Variants in ARHGAP15 observed in about 807,000 individuals in gnomAD.
The protein encoded by ARHGAP15 is Rho GTPase activating protein 15, also known as rho GTPase-activating protein 15.
A neutral mutation model predicts 63.7 loss-of-function variants in ARHGAP15; 51 were observed. The ratio of observed to expected loss-of-function variants is 0.80; its 90% CI spans 0.64 to 1.01. The LOEUF is 1.01. Among genes scored for constraint, ARHGAP15 ranks in the 50% least tolerant of loss-of-function variants. The pLI is 0.00. For synonymous variants in ARHGAP15, 191 were observed against 193.8 expected (o/e 0.99, Z 0.12); for missense variants, 560 against 564.6 (o/e 0.99, Z 0.08).
chr2:143,487,924 C>A (rs1244241489), intron 9 of ARHGAP15, among the ~76,000 whole-genome samples: 3 of 152,156 alleles, frequency 2.0e-5, no homozygotes, highest in Non-Finnish European at 4.4e-5. Flanking sequence ...TCATCCTAGT[C>A]ATAGTCTGAA....
intron 6 of ARHGAP15, among the ~76,000 whole-genome samples, chr2:143,339,423 T>G (rs899434128): frequency 6.6e-6 from 1 of 152,128 alleles, no homozygotes. Context: ...AGCAATGAAT[T>G]ATAATGGGAT....
rs114612855 is a variant in ARHGAP15, at chr2:143,636,770, T to C, written c.1138+12503T>C. Among the ~76,000 whole-genome samples, 1,345 of 152,206 alleles carry C rather than the reference T, an allele frequency of 8.8e-3. 12 individuals carry two copies. Among genetic ancestry groups the C allele is most frequent in the Middle Eastern group, 0.037 (11 of 294 alleles). ...AGACCCTTCATCACCAAGATCACAC[T>C]CCCTCAAATGTGCCCTCCTAAGGTT... is the stretch of plus-strand genomic sequence containing the variant. On this transcript the variant is annotated intron_variant, in intron 12 of 13. Transcript: ENST00000295095.
chr2:143,549,051 C>T (rs1695451369), intron 10 of ARHGAP15, among the ~76,000 whole-genome samples: 2 of 152,192 alleles, frequency 1.3e-5, no homozygotes, highest in Admixed American at 1.3e-4. Context: ...ACCTATACTT[C>T]CAACATTAGA....
At chr2:143,690,571 G>A (rs894911502) in intron 12 of ARHGAP15, among the ~76,000 whole-genome samples, 2 of 152,164 alleles carry the variant, frequency 1.3e-5, no homozygotes, top group African/African-American at 4.8e-5. Context: ...GATGCTTAGA[G>A]TTACAAAATG....
intron 10 of ARHGAP15, among the ~76,000 whole-genome samples, chr2:143,523,295 C>A (rs1694135169): frequency 6.6e-6 from 1 of 152,026 alleles, no homozygotes; most frequent in African/African-American, 2.4e-5. Context: ...AAAGAACAGA[C>A]CCTACAAGAC....
intron 13 of ARHGAP15, among the ~76,000 whole-genome samples, chr2:143,719,843 G>A (rs917543632): frequency 1.3e-5 from 2 of 152,138 alleles, no homozygotes; most frequent in African/African-American, 4.8e-5. Flanking sequence ...AGCTCTTAAA[G>A]CAATTCATAC....
At chr2:143,308,819 A>G (rs1399850945) in intron 6 of ARHGAP15, among the ~76,000 whole-genome samples, 3 of 151,846 alleles carry the variant, frequency 2.0e-5, no homozygotes, top group Non-Finnish European at 4.4e-5. Flanking sequence ...ACACTTTCCC[A>G]TAGCCTAAGA....
chr2:143,283,271 T>C (rs555959730), intron 6 of ARHGAP15, among the ~76,000 whole-genome samples: 1 of 152,266 alleles, frequency 6.6e-6, no homozygotes, highest in East Asian at 1.9e-4. Context: ...ATGTACACAC[T>C]ATCTAGTTTG....
At chr2:143,523,896 T>C (rs1051642179) in intron 10 of ARHGAP15, among the ~76,000 whole-genome samples, 2 of 152,154 alleles carry the variant, frequency 1.3e-5, no homozygotes, top group African/African-American at 4.8e-5. Flanking sequence ...AAATTGTATG[T>C]CATATGCTTT....
chr2:143,187,266 CA>C (rs1691489468), intron 2 of ARHGAP15, among the ~76,000 whole-genome samples: 1 of 152,098 alleles, frequency 6.6e-6, no homozygotes, highest in Non-Finnish European at 1.5e-5. Context: ...AAGCCAAGGC[CA>C]CAGGGAATTA....
intron 4 of ARHGAP15, among the ~76,000 whole-genome samples, chr2:143,219,177 G>C (rs1353422208): frequency 1.3e-5 from 2 of 152,120 alleles, no homozygotes; most frequent in Admixed American, 6.5e-5. Context: ...GATGCCTACT[G>C]TACCTTTTCT....
At chr2:143,655,880 C>G (rs527743457) in intron 12 of ARHGAP15, among the ~76,000 whole-genome samples, 29 of 152,132 alleles carry the variant, frequency 1.9e-4, no homozygotes, top group African/African-American at 6.0e-4. Flanking sequence ...GCATTCGGTA[C>G]GTCCATTTTC....
intron 12 of ARHGAP15, among the ~76,000 whole-genome samples, chr2:143,628,135 C>T (rs1698910563): frequency 1.3e-5 from 2 of 152,056 alleles, no homozygotes; most frequent in African/African-American, 4.8e-5. Flanking sequence ...CAGCTGTATC[C>T]ATGTTGCTCC....
chr2:143,651,769 C>A (rs57898929), intron 12 of ARHGAP15, among the ~76,000 whole-genome samples: 1 of 151,768 alleles, frequency 6.6e-6, no homozygotes, highest in Non-Finnish European at 1.5e-5. Context: ...TAGGTTTGTA[C>A]AGGTATTACA....
intron 6 of ARHGAP15, among the ~76,000 whole-genome samples, chr2:143,329,672 A>G (rs373539609): frequency 1.3e-4 from 20 of 152,200 alleles, no homozygotes; most frequent in South Asian, 1.0e-3. Context: ...TTACACAGCC[A>G]CAGACAACTA....
chr2:143,163,035 A>G (rs924388567), intron 2 of ARHGAP15, among the ~76,000 whole-genome samples: 2 of 152,040 alleles, frequency 1.3e-5, no homozygotes, highest in Non-Finnish European at 2.9e-5. Flanking sequence ...ATAGATCATC[A>G]TTATAACCTT....
intron 8 of ARHGAP15, among the ~76,000 whole-genome samples, chr2:143,478,701 CATT>C (rs963192599): frequency 2.1e-5 from 3 of 144,692 alleles, no homozygotes; most frequent in African/African-American, 4.9e-5. Context: ...AAATATTAGT[CATT>C]ATTATAAATA....
chr2:143,467,181 A>G (rs1038355887), intron 8 of ARHGAP15, among the ~76,000 whole-genome samples: 1 of 151,404 alleles, frequency 6.6e-6, no homozygotes, highest in African/African-American at 2.4e-5. Context: ...TGGGGAATCT[A>G]AGGAGGAGAA....
At chr2:143,574,583 T>C (rs1696596539) in intron 11 of ARHGAP15, among the ~76,000 whole-genome samples, 1 of 152,160 alleles carries the variant, frequency 6.6e-6, no homozygotes, top group African/African-American at 2.4e-5. Flanking sequence ...GCAACAGTTG[T>C]TCGAATCCTC....
Sources: gnomAD v4.1 joint callset for allele counts (sites outside exome capture counted in the v4.1 genomes callset) on GRCh38, gnomAD v4.1.1 for gene constraint, MANE v1.5 for transcripts, NCBI Gene and HGNC (gene_info 2026-07-23, HGNC 2026-07-21) for gene names.